RAB19: variants seen among roughly 807,000 people sequenced by gnomAD.
RAB19 encodes the protein ras-related protein Rab-19.
RAB19 carries 21 observed loss-of-function variants against 17.3 expected under a neutral mutation model. That is an observed-to-expected ratio of 1.21 (90% CI 0.86 to 1.74). The LOEUF (loss-of-function observed/expected upper bound fraction) is 1.74. Among genes scored for constraint, RAB19 ranks in the 40% most tolerant of loss-of-function variants. RAB19 has a pLI of 0.00. For synonymous variants in RAB19, 126 were observed against 110.4 expected (o/e 1.14, Z -0.88); for missense variants, 277 against 286.8 (o/e 0.97, Z 0.25).
At chr7:140,412,455 G>GA (rs200291226) in intron 3 of RAB19, among the ~76,000 whole-genome samples, 3 of 151,366 alleles carry the variant, frequency 2.0e-5, no homozygotes, top group Non-Finnish European at 4.4e-5. Flanking sequence ...CCGTCGGGGG[G>GA]AAAAAAAATG....
Position 140,426,392 on chromosome 7 carries a change from A to G in RAB19, c.*242A>G. The G allele has an allele frequency of 2.0e-6, 1 of 508,698 alleles. No individual in the cohort carries two copies. The allele number at this position is 508,698 out of a possible 1,614,324, so 31.5% of individuals were successfully genotyped here. On this transcript the variant is annotated 3_prime_UTR_variant, in exon 4 of 4. Coordinates refer to ENST00000537763, the MANE Select transcript of RAB19 (RefSeq NM_001008749.3). ...CTGACTCTTGACTCCTGGAGAAGGC[A>G]GGACTTCAGGCTAGGAGAGGGAGGA...
intron 2 of RAB19, 192 bp from the exon 3 acceptor site, chr7:140,411,682 A>G (rs1177763775): frequency 1.0e-5 from 14 of 1,354,558 alleles, no homozygotes; most frequent in East Asian, 2.5e-5. Context: ...TCGTTCCCCA[A>G]CCAAGGAGGA....
chr7:140,418,590 A>AG (rs1407128049), intron 3 of RAB19, among the ~76,000 whole-genome samples: 1 of 151,120 alleles, frequency 6.6e-6, no homozygotes, highest in East Asian at 1.9e-4. Flanking sequence ...AAAAAAAAAA[A>AG]AAGAAGAATA....
At chr7:140,409,691 C>G (rs1270804121) in intron 2 of RAB19, among the ~76,000 whole-genome samples, 1 of 151,630 alleles carries the variant, frequency 6.6e-6, no homozygotes, top group Non-Finnish European at 1.5e-5. Flanking sequence ...GAGCAAGACT[C>G]TGTCTCAAAA....
At chr7:140,408,174 C>T (rs191300227) in intron 2 of RAB19, among the ~76,000 whole-genome samples, 30 of 151,914 alleles carry the variant, frequency 2.0e-4, no homozygotes, top group Admixed American at 1.3e-4. Context: ...TGTGAGCCAC[C>T]GCGCCTGGCC....
At chr7:140,410,273 C>T (rs985540436) in intron 2 of RAB19, among the ~76,000 whole-genome samples, 2 of 147,972 alleles carry the variant, frequency 1.4e-5, no homozygotes, top group Non-Finnish European at 3.0e-5. Flanking sequence ...GCTGGGACTA[C>T]AGGCATGCGC....
At chr7:140,416,140 C>T (rs1056922035) in intron 3 of RAB19, among the ~76,000 whole-genome samples, 10 of 152,030 alleles carry the variant, frequency 6.6e-5, no homozygotes, top group Admixed American at 6.6e-5. Flanking sequence ...GTCGGGAATT[C>T]GAGACCAGCC....
intron 3 of RAB19, among the ~76,000 whole-genome samples, chr7:140,424,524 G>T (rs1228570819): frequency 6.6e-6 from 1 of 151,064 alleles, no homozygotes; most frequent in Non-Finnish European, 1.5e-5. Context: ...TTGATAATGT[G>T]CTATAGTTAT....
At chr7:140,415,489 A>G (rs1184941146) in intron 3 of RAB19, among the ~76,000 whole-genome samples, 3 of 152,110 alleles carry the variant, frequency 2.0e-5, no homozygotes, top group East Asian at 3.8e-4. Context: ...CAATCACTCA[A>G]CAAAAACCCT....
chr7:140,407,738 C>T lies in RAB19; in HGVS notation c.92C>T (p.Thr31Met), dbSNP rs372047383. The change falls in exon 2 of 4, where the codon ACG (threonine) becomes ATG (methionine). Residue 31 changes from threonine (T) to methionine (M), a missense_variant. Coordinates refer to ENST00000537763, the MANE Select transcript of RAB19 (RefSeq NM_001008749.3). Reference sequence around the variant, plus strand: ...ATTGGGGATTCCAATGTGGGGAAGACGTGTGTGGTGCAGCATTTCAAGTCT... The same window carrying T: ...ATTGGGGATTCCAATGTGGGGAAGATGTGTGTGGTGCAGCATTTCAAGTCT... ...ILIGDSNVGK[T>M]CVVQHFKSGV... 48 of 1,613,870 alleles carry T rather than the reference C, an allele frequency of 3.0e-5. 1 individual carries two copies. Among genetic ancestry groups the T allele is most frequent in the South Asian group, 2.9e-4 (26 of 91,084 alleles).
Position 140,411,906 on chromosome 7 carries a change from C to T in RAB19, c.234C>T (p.Arg78=). Residue 78 remains arginine (R), a synonymous_variant, in exon 3 of 4, where the codon CGC becomes CGT. Coordinates refer to ENST00000537763, the MANE Select transcript of RAB19 (RefSeq NM_001008749.3). ...TGTGGGACACAGCTGGCCAGGAGCG[C>T]TTCCGCACCATCACCCAAAGCTACT... ...MQVWDTAGQE[R]FRTITQSYYR... is the part of the protein sequence containing the mutation. 6.2e-7 allele frequency: 1 copy of T among 1,614,196 alleles called. No homozygotes were observed.
chr7:140,425,901 G>C lies in RAB19; in HGVS notation c.405G>C (p.Trp135Cys). Residue 135 changes from tryptophan to cysteine, a missense_variant, in exon 4 of 4, where the codon TGG becomes TGC. Coordinates refer to ENST00000537763, the MANE Select transcript of RAB19 (RefSeq NM_001008749.3). Reference protein sequence around the residue: ...IMLIGNKCDLWEKRHVLFEDA... With the variant: ...IMLIGNKCDLCEKRHVLFEDA... The stretch of plus-strand genomic sequence containing the variant: ...TTCCAGGAAATAAATGTGACCTCTG[G>C]GAAAAGCGGCACGTCCTGTTCGAGG... 6.2e-7 allele frequency: 1 copy of C among 1,611,298 alleles called. No individual in the cohort carries two copies. Among genetic ancestry groups the C allele is most frequent in the East Asian group, 2.2e-5 (1 of 44,782 alleles).
At chr7:140,412,132 G>A in intron 3 of RAB19, 75 bp downstream of exon 3, 2 of 1,409,420 alleles carry the variant, frequency 1.4e-6, no homozygotes, top group Non-Finnish European at 2.0e-6. Flanking sequence ...TGTTTCTAAT[G>A]ACAGTGGAAA....
At position 140,426,607 on chromosome 7, in the gene RAB19, C is replaced by G. The variant is rs541799451; in HGVS notation, c.*457C>G. Among the ~76,000 whole-genome samples the G allele has an allele frequency of 1.9e-3, 296 of 152,262 alleles. 1 individual carries two copies. The highest frequency in any genetic ancestry group is 3.3e-3 in the Non-Finnish European group (227 of 68,028). ...AACAGCTCAGGCAGGGAGAATGGAA[C>G]GAAAGCCTGCAATGAGAAACCAGAA... On this transcript the variant is annotated 3_prime_UTR_variant, in exon 4 of 4. Coordinates refer to ENST00000537763, the MANE Select transcript of RAB19 (RefSeq NM_001008749.3).
At chr7:140,422,943 A>G (rs1799588601) in intron 3 of RAB19, among the ~76,000 whole-genome samples, 1 of 152,036 alleles carries the variant, frequency 6.6e-6, no homozygotes. Flanking sequence ...CTCTGTCTCT[A>G]CTAAAAATAC....
chr7:140,415,870 A>C (rs1330282539), intron 3 of RAB19, among the ~76,000 whole-genome samples: 1 of 151,430 alleles, frequency 6.6e-6, no homozygotes, highest in Admixed American at 6.6e-5. Flanking sequence ...ACACCAGTGC[A>C]CTCCAACCTG....
intron 3 of RAB19, among the ~76,000 whole-genome samples, chr7:140,412,447 G>A (rs570111302): frequency 9.9e-5 from 15 of 152,056 alleles, no homozygotes; most frequent in Admixed American, 2.0e-4. Context: ...GCAACACTCC[G>A]TCGGGGGGAA....
intron 3 of RAB19, among the ~76,000 whole-genome samples, chr7:140,421,583 C>G (rs1328144313): frequency 2.6e-5 from 4 of 152,154 alleles, no homozygotes; most frequent in African/African-American, 9.7e-5. Flanking sequence ...TGGTCTGAAC[C>G]TGGCCTCAAG....
At chr7:140,418,792 G>A (rs974977695) in intron 3 of RAB19, among the ~76,000 whole-genome samples, 1 of 150,628 alleles carries the variant, frequency 6.6e-6, no homozygotes, top group Non-Finnish European at 1.5e-5. Context: ...CCAGGAGGTA[G>A]AGTCTGCAGT....
Sources: allele counts gnomAD v4.1 joint callset (sites outside exome capture counted in the v4.1 genomes callset), GRCh38; gene constraint gnomAD v4.1.1; transcripts MANE v1.5; gene names NCBI Gene and HGNC (gene_info 2026-07-23, HGNC 2026-07-21).